The following JUP variants were observed in gnomAD, a reference collection of about 807,000 sequenced individuals.
The protein encoded by JUP is junction plakoglobin.
In JUP, 28 loss-of-function variants were observed where a neutral mutation model predicts 71.1. The observed-to-expected ratio is 0.39, with a 90% CI of 0.29 to 0.54. JUP has a LOEUF of 0.54. Ranked by LOEUF, JUP falls within the 20% of genes least tolerant of loss-of-function variation. The pLI is 0.62. For synonymous variants in JUP, 401 were observed against 438.9 expected (o/e 0.91, Z 1.08); for missense variants, 869 against 1,030.1 (o/e 0.84, Z 2.14).
Position 41,757,501 on chromosome 17 carries a change from C to T in JUP, c.1960G>A (p.Glu654Lys), listed in dbSNP as rs1555598683. 1 of 1,614,018 alleles carries T rather than the reference C, an allele frequency of 6.2e-7. No individual in the cohort carries two copies. Among genetic ancestry groups the T allele is most frequent in the African/African-American group, 1.3e-5 (1 of 74,902 alleles). ...TTCCGGTAGTCTGGGTTCTTGTCCTCGGAGATGCGGAACAGGACGGCAGCA... is the reference window on the plus strand; with the variant it reads ...TTCCGGTAGTCTGGGTTCTTGTCCTTGGAGATGCGGAACAGGACGGCAGCA... ...YAAAVLFRISEDKNPDYRKRV... is the reference protein window; with the variant it reads ...YAAAVLFRISKDKNPDYRKRV... The change falls in exon 12 of 14, where the codon GAG becomes AAG. Residue 654 changes from glutamate to lysine, a missense_variant. Glu to Lys is a moderately conservative substitution (Grantham distance 56, BLOSUM62 1). Transcript: ENST00000393931.
intron 1 of JUP, among the ~76,000 whole-genome samples, chr17:41,776,904 G>A (rs1412482756): frequency 1.3e-5 from 2 of 152,192 alleles, no homozygotes; most frequent in African/African-American, 4.8e-5. Context: ...TACTCGGGAG[G>A]CTGAGGCAGG....
At chr17:41,779,563 C>G (rs1029176937) in intron 1 of JUP, among the ~76,000 whole-genome samples, 1 of 152,012 alleles carries the variant, frequency 6.6e-6, no homozygotes, top group Non-Finnish European at 1.5e-5. Context: ...CTCCTGACCT[C>G]GTGATGCGCC....
At chr17:41,769,779 C>T (rs992575728) in intron 2 of JUP, 102 bp from the exon 3 acceptor site, 4 of 1,331,006 alleles carry the variant, frequency 3.0e-6, no homozygotes, top group African/African-American at 1.4e-5. Flanking sequence ...CTCTGGGCTA[C>T]CTCTTGCCCT....
intron 10 of JUP, 94 bp downstream of exon 10, chr17:41,758,305 A>C: frequency 5.5e-4 from 852 of 1,553,134 alleles, no homozygotes; most frequent in Non-Finnish European, 6.8e-4. Flanking sequence ...AGACCTCTTG[A>C]TACCTGGTCC....
chr17:41,773,133 C>T (rs1326024148), intron 1 of JUP, among the ~76,000 whole-genome samples: 4 of 152,214 alleles, frequency 2.6e-5, no homozygotes, highest in Admixed American at 2.6e-4. Context: ...CATCCCGGCG[C>T]AGCCTCAGTG....
intron 7 of JUP, among the ~76,000 whole-genome samples, 179 bp downstream of exon 7, chr17:41,764,534 G>GGAA (rs60346985): frequency 0.014 from 1,169 of 83,920 alleles, 205 homozygotes; most frequent in Middle Eastern, 0.077. Context: ...GACTCCGTCA[G>GGAA]AAAAAAAAAA....
intron 13 of JUP, 135 bp downstream of exon 13, chr17:41,756,040 A>T: frequency 7.5e-7 from 1 of 1,326,166 alleles, no homozygotes; most frequent in Admixed American, 1.9e-5. Context: ...GGGCATCTAG[A>T]CTGGGGTACA....
intron 1 of JUP, among the ~76,000 whole-genome samples, chr17:41,780,474 A>G (rs2047106562): frequency 6.7e-6 from 1 of 149,940 alleles, no homozygotes; most frequent in African/African-American, 2.5e-5. Flanking sequence ...TGGGTGGATC[A>G]CTTGAGGTCA....
intron 8 of JUP, 135 bp downstream of exon 8, chr17:41,762,848 C>T (rs1250022431): frequency 1.4e-6 from 1 of 721,166 alleles, no homozygotes; most frequent in Non-Finnish European, 2.4e-6. Flanking sequence ...TAAACTATTA[C>T]ACGAGAGAGA....
At position 41,763,302 on chromosome 17, in the gene JUP, A is replaced by G. The variant is rs1229809500; in HGVS notation, c.1178T>C (p.Leu393Pro). 2 of 1,614,086 alleles carry G rather than the reference A, an allele frequency of 1.2e-6. No homozygotes were observed. The highest frequency in any genetic ancestry group is 2.2e-5 in the East Asian group (1 of 44,880). Residue 393 changes from leucine to proline, a missense_variant, in exon 8 of 14, where the codon CTG (leucine) becomes CCG (proline). Physicochemically the swap from Leu to Pro is moderately conservative, Grantham distance 98. Coordinates refer to ENST00000393931, the MANE Select transcript of JUP (RefSeq NM_002230.4). ...ACTCAGCTGATTCACCAGAATCTTC[A>G]GCACACTCTCCAGGCCCTCCTGGAG... is the stretch of plus-strand genomic sequence containing the variant. ...ATKQEGLESV[L>P]KILVNQLSVD...
intron 1 of JUP, among the ~76,000 whole-genome samples, chr17:41,780,354 G>A (rs1214790133): frequency 1.3e-5 from 2 of 151,826 alleles, no homozygotes; most frequent in African/African-American, 2.4e-5. Flanking sequence ...CTGTGATCAC[G>A]CCACTGCACT....
intron 3 of JUP, 79 bp downstream of exon 3, chr17:41,769,339 C>G: frequency 6.3e-7 from 1 of 1,576,252 alleles, no homozygotes; most frequent in Non-Finnish European, 8.6e-7. Context: ...CCCTCCACCC[C>G]TACAATGTCC....
At position 41,758,585 on chromosome 17, in the gene JUP, C is replaced by G. The variant is rs1914265672; in HGVS notation, c.1654-67G>C. The stretch of plus-strand genomic sequence containing the variant: ...ACATGGCCACAACTCCTCCCCATGA[C>G]AGCCGAATGAACTTCACAGGTTCTT... On this transcript the variant is annotated intron_variant, in intron 9 of 13. Transcript: ENST00000393931. 1.9e-6 allele frequency: 3 copies of G among 1,586,114 alleles called. No homozygotes were observed. The South Asian group carries it at 3.4e-5, about 18-fold the overall frequency.
At position 41,769,731 on chromosome 17, in the gene JUP, G is replaced by A. The variant is rs1555606058; in HGVS notation, c.209-54C>T. The A allele has an allele frequency of 8.9e-6, 14 of 1,580,496 alleles. No homozygotes were observed. The South Asian group carries it at 1.6e-4, about 18-fold the overall frequency. On this transcript the variant is annotated intron_variant, in intron 2 of 13. Transcript: ENST00000393931. ...GCAGGCAGTGGGCTGGGCAGACACTGGGGAGCAGGGCAGGCCACAGACAGC... is the reference window on the plus strand; with the variant it reads ...GCAGGCAGTGGGCTGGGCAGACACTAGGGAGCAGGGCAGGCCACAGACAGC...
intron 12 of JUP, among the ~76,000 whole-genome samples, chr17:41,756,706 C>T (rs1913850516): frequency 6.6e-6 from 1 of 152,146 alleles, no homozygotes; most frequent in Non-Finnish European, 1.5e-5. Flanking sequence ...TCGAGATCAT[C>T]CTGGCCAACA....
intron 8 of JUP, among the ~76,000 whole-genome samples, chr17:41,759,492 C>T (rs1333153224): frequency 6.7e-6 from 1 of 150,352 alleles, no homozygotes; most frequent in East Asian, 2.0e-4. Flanking sequence ...CCCACAGACA[C>T]CATGACCTTG....
At chr17:41,756,115 C>T in intron 13 of JUP, 60 bp downstream of exon 13, 2 of 1,542,046 alleles carry the variant, frequency 1.3e-6, no homozygotes, top group Non-Finnish European at 1.8e-6. Context: ...TGTCCCCTCA[C>T]ACACACCCAC....
At position 41,755,820 on chromosome 17, in the gene JUP, T is replaced by C. The variant is rs1225664898; in HGVS notation, c.2162A>G (p.Asp721Gly). Residue 721 changes from aspartate to glycine, a missense_variant, in exon 14 of 14, where the codon GAT (aspartate) becomes GGT (glycine). Asp to Gly is a moderately conservative substitution (Grantham distance 94). Coordinates refer to ENST00000393931, the MANE Select transcript of JUP (RefSeq NM_002230.4). ...LDPLEMHMDM[D>G]GDYPIDTYSD... ...GTAGGTGTCGATGGGGTAGTCTCCA[T>C]CCATGTCCATGTGCATCTCCAGCGG... 1 of 1,613,192 alleles carries C rather than the reference T, an allele frequency of 6.2e-7. No homozygotes were observed. The highest frequency in any genetic ancestry group is 1.3e-5 in the African/African-American group (1 of 74,856).
chr17:41,757,564 G>A (rs782191536), intron 11 of JUP, 28 bp from the exon 12 acceptor site: 2 of 1,614,172 alleles, frequency 1.2e-6, no homozygotes, highest in Non-Finnish European at 1.7e-6. Flanking sequence ...GAAAAGCCAG[G>A]TTAAACGTCG....
Sources: gnomAD v4.1 joint callset for allele counts (sites outside exome capture counted in the v4.1 genomes callset) on GRCh38, gnomAD v4.1.1 for gene constraint, MANE v1.5 for transcripts, NCBI Gene and HGNC (gene_info 2026-07-23, HGNC 2026-07-21) for gene names.